STRADA: variants seen among roughly 807,000 people sequenced by gnomAD.
The protein encoded by STRADA is STE20 related adaptor alpha, also known as STE20-related kinase adapter protein alpha.
In STRADA, 26 loss-of-function variants were observed where a neutral mutation model predicts 55.0. The ratio of observed to expected loss-of-function variants is 0.47; its 90% CI spans 0.35 to 0.66. The LOEUF (loss-of-function observed/expected upper bound fraction) is 0.66. STRADA is among the 30% of genes least tolerant of loss of function. The probability of loss-of-function intolerance (pLI) is 0.01; values close to 1 mark genes in which losing one functional copy is unlikely to be tolerated. For synonymous variants in STRADA, 197 were observed against 210.9 expected (o/e 0.93, Z 0.57); for missense variants, 443 against 549.7 (o/e 0.81, Z 1.94).
chr17:63,707,523 G>T, intron 8 of STRADA, 105 bp from the exon 9 acceptor site: 1 of 1,017,314 alleles, frequency 9.8e-7, no homozygotes, highest in Non-Finnish European at 1.5e-6. Flanking sequence ...GTGTGCGTGT[G>T]TTATACACGT....
At chr17:63,721,178 C>T (rs1361020431) in intron 4 of STRADA, among the ~76,000 whole-genome samples, 1 of 150,918 alleles carries the variant, frequency 6.6e-6, no homozygotes, top group East Asian at 2.0e-4. Context: ...ACGAGACCAT[C>T]CTGGACAACA....
rs184948958 is a variant in STRADA, at chr17:63,723,158, G to A, written c.123+140C>T. 8.0e-5 allele frequency: 86 copies of A among 1,070,582 alleles called. No individual in the cohort carries two copies. In the East Asian group the frequency reaches 2.0e-3, roughly 25 times the overall value. 66.3% of individuals were successfully genotyped at this position (1,070,582 alleles called of 1,614,324 possible). ...CAGGGTGAAACCTGAATCTCCACAA[G>A]TACAAAAATCACACTACAAATAAAG... On this transcript the variant is annotated intron_variant, in intron 4 of 12. Coordinates refer to ENST00000336174, the MANE Select transcript of STRADA (RefSeq NM_001003787.4).
chr17:63,706,619 T>C lies in STRADA; in HGVS notation c.858+16A>G, dbSNP rs1031643005. 10 of 1,602,710 alleles carry C rather than the reference T, an allele frequency of 6.2e-6. No individual in the cohort carries two copies. The highest frequency in any genetic ancestry group is 1.7e-5 in the Admixed American group (1 of 59,246). On this transcript the variant is annotated intron_variant, in intron 10 of 12. Transcript: ENST00000336174. ...GGCAAGCAGGCAAGAAGGAAACCGA[T>C]GGGCGGCAGGCTTACCTGGGTGGCA...
intron 1 of STRADA, among the ~76,000 whole-genome samples, chr17:63,739,633 C>T (rs2049624202): frequency 6.6e-6 from 1 of 150,448 alleles, no homozygotes; most frequent in African/African-American, 2.4e-5. Context: ...TTAAGAAATA[C>T]ATATGTATGT....
At chr17:63,713,603 G>C in intron 5 of STRADA, 76 bp from the exon 6 acceptor site, 18 of 1,558,684 alleles carry the variant, frequency 1.2e-5, no homozygotes, top group Non-Finnish European at 1.6e-5. Context: ...TTTAAAAAAG[G>C]GACTTGATTT....
chr17:63,741,484 G>T (rs2038943701), intron 1 of STRADA: 1 of 153,858 alleles, frequency 6.5e-6, no homozygotes, highest in Non-Finnish European at 1.4e-5. Context: ...GGAGGAAGGG[G>T]AAAGCAGGAG....
chr17:63,726,516 A>G (rs1368036189), intron 3 of STRADA, 122 bp downstream of exon 3: 1 of 893,574 alleles, frequency 1.1e-6, no homozygotes, highest in African/African-American at 1.7e-5. Flanking sequence ...AACCAAAGAA[A>G]TCCAACAACT....
At chr17:63,704,148 C>A in intron 11 of STRADA, 101 bp from the exon 12 acceptor site, 1 of 1,542,774 alleles carries the variant, frequency 6.5e-7, no homozygotes, top group East Asian at 2.3e-5. Context: ...CTCTCCCTCT[C>A]CCTCAGCTCA....
In STRADA at chr17:63,709,812, A is replaced by G. The variant is rs538414165; in HGVS notation, c.581+679T>C. ...GCTGATTTCCTGACACTATCTACTAAGCTATCTGTCTTCGCCCTGGTCTCT... is the reference window on the plus strand; with the variant it reads ...GCTGATTTCCTGACACTATCTACTAGGCTATCTGTCTTCGCCCTGGTCTCT... On this transcript the variant is annotated intron_variant, in intron 8 of 12. Transcript: ENST00000336174. Among the ~76,000 whole-genome samples, 5 of 152,268 alleles carry G rather than the reference A, an allele frequency of 3.3e-5. No homozygotes were observed. In the South Asian group the frequency reaches 1.0e-3, roughly 32 times the overall value.
intron 4 of STRADA, among the ~76,000 whole-genome samples, chr17:63,719,780 G>A (rs1382160986): frequency 1.3e-5 from 2 of 151,968 alleles, no homozygotes; most frequent in South Asian, 2.1e-4. Flanking sequence ...CATGGCGCCC[G>A]GCAGATAGAT....
chr17:63,734,874 T>G (rs1190454193), intron 1 of STRADA, among the ~76,000 whole-genome samples: 1 of 152,074 alleles, frequency 6.6e-6, no homozygotes, highest in Admixed American at 6.5e-5. Context: ...AAGAGCAAAT[T>G]TGGCTGGGCA....
At chr17:63,734,562 G>A (rs1057433034) in intron 1 of STRADA, among the ~76,000 whole-genome samples, 1 of 151,978 alleles carries the variant, frequency 6.6e-6, no homozygotes, top group African/African-American at 2.4e-5. Flanking sequence ...GCTTGAACTC[G>A]GGAGGCAGAG....
intron 10 of STRADA, chr17:63,704,864 T>A (rs2035977255): frequency 6.5e-7 from 1 of 1,535,890 alleles, no homozygotes; most frequent in African/African-American, 1.4e-5. Flanking sequence ...GTTTCCGCTC[T>A]CCCTTTCCAA....
intron 4 of STRADA, chr17:63,715,283 G>A (rs1171528988): frequency 1.3e-5 from 2 of 152,114 alleles, no homozygotes; most frequent in African/African-American, 4.8e-5. Context: ...CAAGTAGCCG[G>A]GACAGATCTT....
At chr17:63,729,820 AC>A (rs1408390006) in intron 1 of STRADA, among the ~76,000 whole-genome samples, 3 of 141,762 alleles carry the variant, frequency 2.1e-5, no homozygotes, top group Non-Finnish European at 3.1e-5. Flanking sequence ...CAAAAAAAAA[AC>A]CATGTCTCTT....
intron 4 of STRADA, 32 bp downstream of exon 4, chr17:63,723,266 G>GCCAT: frequency 6.2e-7 from 1 of 1,613,140 alleles, no homozygotes; most frequent in Non-Finnish European, 8.5e-7. Flanking sequence ...CCATGCAACA[G>GCCAT]CCATAGTGCT....
intron 1 of STRADA, among the ~76,000 whole-genome samples, chr17:63,736,398 C>T (rs979349140): frequency 7.9e-5 from 12 of 151,448 alleles, no homozygotes; most frequent in African/African-American, 2.2e-4. Flanking sequence ...GAGGCTGAAG[C>T]GGGTGGATCA....
At chr17:63,728,511 G>A (rs1247002914) in intron 1 of STRADA, 98 bp from the exon 2 acceptor site, 2 of 602,362 alleles carry the variant, frequency 3.3e-6, no homozygotes, top group Non-Finnish European at 5.6e-6. Context: ...ACCATTCAAA[G>A]CACTGGACTT....
intron 1 of STRADA, among the ~76,000 whole-genome samples, chr17:63,731,667 A>G (rs1019463866): frequency 2.0e-5 from 3 of 152,200 alleles, no homozygotes; most frequent in Non-Finnish European, 2.9e-5. Flanking sequence ...AAACATGATT[A>G]GAATGCATAT....
Sources: allele counts gnomAD v4.1 joint callset (sites outside exome capture counted in the v4.1 genomes callset), GRCh38; gene constraint gnomAD v4.1.1; transcripts MANE v1.5; gene names NCBI Gene and HGNC (gene_info 2026-07-23, HGNC 2026-07-21).